The following TET1 variants were observed in gnomAD, a reference collection of about 807,000 sequenced individuals.
The protein encoded by TET1 is methylcytosine dioxygenase TET1.
Under a neutral mutation model 148.7 loss-of-function variants are expected in TET1, and 13 were observed. The observed-to-expected ratio is 0.09, with a 90% CI of 0.06 to 0.14. TET1 has a LOEUF of 0.14. Among genes scored for constraint, TET1 ranks in the 10% least tolerant of loss-of-function variants. TET1 has a pLI of 1.00. For missense variants in TET1, 2,182 were observed against 2,553.8 expected, an observed-to-expected ratio of 0.85 and a Z score of 3.14; for synonymous variants, 907 against 937.2, an observed-to-expected ratio of 0.97 and a Z score of 0.59.
At chr10:68,656,158 T>A (rs1004797361) in intron 6 of TET1, among the ~76,000 whole-genome samples, 3 of 152,206 alleles carry the variant, frequency 2.0e-5, no homozygotes, top group Admixed American at 2.0e-4. Context: ...GTTGTATAAT[T>A]ACTTTATTAT....
chr10:68,568,506 G>A (rs1462127908), intron 1 of TET1, among the ~76,000 whole-genome samples: 1 of 151,902 alleles, frequency 6.6e-6, no homozygotes, highest in Non-Finnish European at 1.5e-5. Context: ...CTCCCAAAGT[G>A]CTAGGATTAC....
intron 11 of TET1, among the ~76,000 whole-genome samples, chr10:68,688,689 C>T (rs2055550796): frequency 6.6e-6 from 1 of 152,134 alleles, no homozygotes; most frequent in Non-Finnish European, 1.5e-5. Context: ...CTGCCCGCCT[C>T]AGCCTCCCAA....
intron 2 of TET1, among the ~76,000 whole-genome samples, chr10:68,584,410 GA>G (rs968272624): frequency 3.4e-5 from 5 of 146,466 alleles, no homozygotes; most frequent in African/African-American, 1.2e-4. Flanking sequence ...TCTGTTAAAA[GA>G]AAAAAAAAGA....
chr10:68,611,861 G>A lies in TET1; in HGVS notation c.1968+10827G>A, dbSNP rs190145697. Among the ~76,000 whole-genome samples, 8 of 88,848 alleles carry A rather than the reference G, an allele frequency of 9.0e-5. 1 individual carries two copies. Among genetic ancestry groups the A allele is most frequent in the Non-Finnish European group, 1.8e-4 (7 of 39,648 alleles). The allele number at this position is 88,848 out of a possible 152,430, so 58.3% of individuals were successfully genotyped here. On this transcript the variant is annotated intron_variant, in intron 3 of 11. Coordinates refer to ENST00000373644, the MANE Select transcript of TET1 (RefSeq NM_030625.3). ...GGAGGTGGGGGGGGTGGGGAGAGAGGGAGAGAGAGAGAGAGAGAGGGAGGG... is the reference window on the plus strand; with the variant it reads ...GGAGGTGGGGGGGGTGGGGAGAGAGAGAGAGAGAGAGAGAGAGAGGGAGGG...
chr10:68,673,281 GC>G (rs2055299227), intron 8 of TET1: 1 of 247,632 alleles, frequency 4.0e-6, no homozygotes, highest in East Asian at 7.7e-5. Context: ...TCCTCCTCCT[GC>G]TCTACTACCC....
chr10:68,637,823 G>A (rs1157400474), intron 3 of TET1, among the ~76,000 whole-genome samples: 1 of 151,474 alleles, frequency 6.6e-6, no homozygotes, highest in Non-Finnish European at 1.5e-5. Flanking sequence ...GAGCCAAGAT[G>A]GCGCCACTAC....
rs913608726 is a variant in TET1, at chr10:68,637,641, G to A, written c.1969-7057G>A. ...TCCAGGTTCAAGAGATCTCGTGGTC[G>A]GGCACAGTGGCTCACACCCTGTAAT... On this transcript the variant is annotated intron_variant, in intron 3 of 11. Coordinates refer to ENST00000373644, the MANE Select transcript of TET1 (RefSeq NM_030625.3). Among the ~76,000 whole-genome samples, 12 of 150,426 alleles carry A rather than the reference G, an allele frequency of 8.0e-5. No individual in the cohort carries two copies. The Admixed American group carries it at 8.0e-4, about 10-fold the overall frequency.
At chr10:68,602,431 G>A (rs572349876) in intron 3 of TET1, among the ~76,000 whole-genome samples, 54 of 152,208 alleles carry the variant, frequency 3.5e-4, no homozygotes, top group African/African-American at 1.2e-3. Flanking sequence ...CTTAAAAATG[G>A]CTCTCATTTG....
At chr10:68,636,956 C>T (rs1156380230) in intron 3 of TET1, among the ~76,000 whole-genome samples, 1 of 87,020 alleles carries the variant, frequency 1.1e-5, no homozygotes, top group Non-Finnish European at 2.3e-5. Context: ...TAGCAGCTGA[C>T]TTTTGTTTTC....
intron 10 of TET1, among the ~76,000 whole-genome samples, chr10:68,686,147 G>T (rs1481639493): frequency 6.6e-6 from 1 of 152,054 alleles, no homozygotes; most frequent in Admixed American, 6.6e-5. Context: ...ATATTATTCT[G>T]GTCTGCCTAC....
chr10:68,674,862 A>T (rs552232457), intron 8 of TET1: 13 of 425,184 alleles, frequency 3.1e-5, no homozygotes, highest in African/African-American at 2.3e-4. Context: ...TACTTGAAAG[A>T]AGTGGTCAAT....
Position 68,645,728 on chromosome 10 carries a change from C to A in TET1, c.2999C>A (p.Thr1000Lys), listed in dbSNP as rs1056468178. The change falls in exon 4 of 12, where the codon ACA becomes AAA. Residue 1000 changes from threonine (T) to lysine (K), a missense_variant. By Grantham distance (78) the Thr-to-Lys change is moderately conservative. Around this residue, in one of 11 missense-constraint regions of TET1, gnomAD observed 582 missense variants for 599.5 expected, o/e 0.97. Transcript: ENST00000373644. ...STKSHEYSKVTNSLSLFIPKS... is the reference protein window; with the variant it reads ...STKSHEYSKVKNSLSLFIPKS... ...AAGTCACATGAATATTCAAAAGTCACAAATTCATTATCTCTTTTTATACCA... is the reference window on the plus strand; with the variant it reads ...AAGTCACATGAATATTCAAAAGTCAAAAATTCATTATCTCTTTTTATACCA... 6.2e-7 allele frequency: 1 copy of A among 1,614,176 alleles called. No individual in the cohort carries two copies. Among genetic ancestry groups the A allele is most frequent in the Non-Finnish European group, 8.5e-7 (1 of 1,180,036 alleles).
intron 2 of TET1, among the ~76,000 whole-genome samples, chr10:68,595,947 T>TATATATACATATAC (rs2053976642): frequency 2.3e-5 from 1 of 43,428 alleles, no homozygotes; most frequent in African/African-American, 8.1e-5. Flanking sequence ...TATATATATA[T>TATATATACATATAC]ATATATATAT....
intron 3 of TET1, among the ~76,000 whole-genome samples, chr10:68,614,691 T>A (rs2054263376): frequency 6.6e-6 from 1 of 152,116 alleles, no homozygotes; most frequent in African/African-American, 2.4e-5. Flanking sequence ...CCTCCTGGGT[T>A]CAAGCAGTTC....
intron 3 of TET1, among the ~76,000 whole-genome samples, chr10:68,627,756 T>G (rs1391977741): frequency 1.4e-5 from 2 of 139,448 alleles, no homozygotes; most frequent in African/African-American, 5.1e-5. Flanking sequence ...TGAAACCCCG[T>G]CTCTACCAAA....
At position 68,639,763 on chromosome 10, in the gene TET1, G is replaced by A. The variant is rs183311040; in HGVS notation, c.1969-4935G>A. Among the ~76,000 whole-genome samples, 21 of 152,088 alleles carry A rather than the reference G, an allele frequency of 1.4e-4. No individual in the cohort carries two copies. In the East Asian group the frequency reaches 2.3e-3, roughly 17 times the overall value. ...ATACAGGCGTGAGCCACCATGCCCC[G>A]CCCTTTCTGTACATAAATCTTAGAA... On this transcript the variant is annotated intron_variant, in intron 3 of 11. Transcript: ENST00000373644.
At chr10:68,561,311 C>G (rs1333454209) in intron 1 of TET1, among the ~76,000 whole-genome samples, 1 of 152,054 alleles carries the variant, frequency 6.6e-6, no homozygotes, top group Admixed American at 6.6e-5. Context: ...GCGCCTGTCT[C>G]CCCGAGAGTT....
chr10:68,637,562 C>T (rs1363959127), intron 3 of TET1, among the ~76,000 whole-genome samples: 3 of 132,984 alleles, frequency 2.3e-5, no homozygotes, highest in East Asian at 2.3e-4. Flanking sequence ...CTCATTCTCT[C>T]GCCCTCAGGC....
At chr10:68,570,464 A>G (rs1007204970) in intron 1 of TET1, among the ~76,000 whole-genome samples, 7 of 151,974 alleles carry the variant, frequency 4.6e-5, no homozygotes, top group African/African-American at 1.7e-4. Flanking sequence ...AGTAGTCCCC[A>G]GTGTCTATTA....
Sources: allele counts gnomAD v4.1 joint callset (sites outside exome capture counted in the v4.1 genomes callset), GRCh38; gene constraint gnomAD v4.1.1; regional missense constraint gnomAD v4.1.1; transcripts MANE v1.5; gene names NCBI Gene and HGNC (gene_info 2026-07-23, HGNC 2026-07-21).